SNX7: variants seen among roughly 807,000 people sequenced by gnomAD.
SNX7 encodes the protein sorting nexin 7.
A neutral mutation model predicts 48.4 loss-of-function variants in SNX7; 35 were observed. That is an observed-to-expected ratio of 0.72 (90% confidence interval 0.55 to 0.96). The LOEUF (loss-of-function observed/expected upper bound fraction) is 0.96, where lower values mean the gene tolerates loss of function less well. Ranked by LOEUF, SNX7 falls within the 40% of genes least tolerant of loss-of-function variation. SNX7 has a pLI of 0.00. For missense variants in SNX7, 553 were observed against 548.9 expected, an observed-to-expected ratio of 1.01 and a Z score of -0.07; for synonymous variants, 190 against 190.2, an observed-to-expected ratio of 1.00 and a Z score of 0.01.
At chr1:98,686,656 A>G (rs1650818108) in intron 2 of SNX7, among the ~76,000 whole-genome samples, 1 of 152,168 alleles carries the variant, frequency 6.6e-6, no homozygotes, top group Non-Finnish European at 1.5e-5. Flanking sequence ...ATGGAGTTGA[A>G]TCTTGATTTC....
chr1:98,757,519 A>T (rs975706696), intron 8 of SNX7, among the ~76,000 whole-genome samples: 1 of 151,962 alleles, frequency 6.6e-6, no homozygotes, highest in African/African-American at 2.4e-5. Context: ...GGGCTCACCC[A>T]CATGACCTTA....
intron 8 of SNX7, among the ~76,000 whole-genome samples, chr1:98,743,328 A>T (rs965174819): frequency 3.3e-5 from 5 of 151,568 alleles, no homozygotes; most frequent in Non-Finnish European, 5.9e-5. Flanking sequence ...TATTTGATTA[A>T]TACAGCCCTA....
At chr1:98,691,937 A>ACACACTCTCT (rs376006567) in intron 4 of SNX7, among the ~76,000 whole-genome samples, 508 of 131,148 alleles carry the variant, frequency 3.9e-3, no homozygotes, top group South Asian at 6.7e-3. Flanking sequence ...ACACACACAC[A>ACACACTCTCT]CTCTCTCTCT....
chr1:98,702,461 G>A (rs985472128), intron 7 of SNX7, among the ~76,000 whole-genome samples: 1 of 151,902 alleles, frequency 6.6e-6, no homozygotes, highest in African/African-American at 2.4e-5. Context: ...CTCACCATTT[G>A]GCTCAACTTT....
chr1:98,727,448 A>C (rs1356259694), intron 7 of SNX7, among the ~76,000 whole-genome samples: 1 of 151,922 alleles, frequency 6.6e-6, no homozygotes, highest in East Asian at 1.9e-4. Context: ...GAAAACTAAA[A>C]AAGCCAGTGT....
At chr1:98,672,460 C>A (rs568970280) in intron 1 of SNX7, among the ~76,000 whole-genome samples, 1 of 148,666 alleles carries the variant, frequency 6.7e-6, no homozygotes, top group African/African-American at 2.5e-5. Flanking sequence ...AGATGTAATC[C>A]GCTCACAGGA....
chr1:98,703,040 T>TA (rs1019690781), intron 7 of SNX7, among the ~76,000 whole-genome samples: 2 of 152,020 alleles, frequency 1.3e-5, no homozygotes, highest in African/African-American at 4.8e-5. Context: ...ACTTCCTAAT[T>TA]AGTTTTCTTT....
chr1:98,689,051 C>T (rs534704100), intron 2 of SNX7, among the ~76,000 whole-genome samples: 7 of 152,162 alleles, frequency 4.6e-5, no homozygotes, highest in East Asian at 1.9e-4. Context: ...ATTACAGGTG[C>T]GTGCCACTAC....
chr1:98,692,413 C>G (rs1056410115), intron 4 of SNX7, among the ~76,000 whole-genome samples: 3 of 152,128 alleles, frequency 2.0e-5, no homozygotes, highest in African/African-American at 7.2e-5. Flanking sequence ...GTCTATGGTA[C>G]TTAGCAAGCA....
intron 7 of SNX7, among the ~76,000 whole-genome samples, chr1:98,734,497 C>T (rs1300236798): frequency 1.3e-5 from 2 of 152,128 alleles, no homozygotes; most frequent in Non-Finnish European, 2.9e-5. Flanking sequence ...GCTATATAAT[C>T]TCTGCCTCTT....
At chr1:98,747,228 T>C (rs1052243813) in intron 8 of SNX7, among the ~76,000 whole-genome samples, 1 of 152,184 alleles carries the variant, frequency 6.6e-6, no homozygotes, top group Non-Finnish European at 1.5e-5. Context: ...GTGTTTCTTC[T>C]TGCAGAATGA....
At position 98,760,032 on chromosome 1, in the gene SNX7, A is replaced by G. The variant is rs772331852; in HGVS notation, c.1279-22A>G. 6.8e-6 allele frequency: 10 copies of G among 1,472,746 alleles called. No individual in the cohort carries two copies. In the East Asian group the frequency reaches 2.0e-4, roughly 30 times the overall value. The allele number at this position is 1,472,746 out of a possible 1,614,324, so 91.2% of individuals were successfully genotyped here. ...AAAGTAAACTATTGTTGATTGCCTC[A>G]TGGTGTGTTTCCATTATTCAGTGCC... is the stretch of plus-strand genomic sequence containing the variant. On this transcript the variant is annotated intron_variant, in intron 8 of 8. Transcript: ENST00000306121.
At chr1:98,748,984 C>A (rs1383526522) in intron 8 of SNX7, among the ~76,000 whole-genome samples, 1 of 152,124 alleles carries the variant, frequency 6.6e-6, no homozygotes, top group African/African-American at 2.4e-5. Context: ...CTTATCTGTA[C>A]AGTTGGTTGT....
intron 7 of SNX7, among the ~76,000 whole-genome samples, chr1:98,714,601 G>T (rs1652490518): frequency 6.6e-6 from 1 of 152,294 alleles, no homozygotes; most frequent in East Asian, 1.9e-4. Context: ...TTTCTGAGGA[G>T]ATGACCTTGA....
intron 1 of SNX7, among the ~76,000 whole-genome samples, chr1:98,664,245 T>C (rs900713909): frequency 1.2e-4 from 18 of 152,330 alleles, no homozygotes; most frequent in African/African-American, 4.3e-4. Flanking sequence ...GGTATACTCT[T>C]CCAGAAGCTT....
At chr1:98,713,072 C>G (rs1652399582) in intron 7 of SNX7, among the ~76,000 whole-genome samples, 1 of 134,968 alleles carries the variant, frequency 7.4e-6, no homozygotes, top group African/African-American at 2.9e-5. Flanking sequence ...GCCTGGGCAA[C>G]AAGAGCGAAA....
At chr1:98,747,215 T>C (rs929601124) in intron 8 of SNX7, among the ~76,000 whole-genome samples, 1 of 152,156 alleles carries the variant, frequency 6.6e-6, no homozygotes, top group Admixed American at 6.6e-5. Flanking sequence ...CTTGACTAGA[T>C]CAGTGTTTCT....
At chr1:98,732,524 A>G (rs1158574835) in intron 7 of SNX7, among the ~76,000 whole-genome samples, 1 of 152,124 alleles carries the variant, frequency 6.6e-6, no homozygotes, top group Middle Eastern at 3.2e-3. Flanking sequence ...GAGATAATTT[A>G]ATCTTTTTAT....
intron 8 of SNX7, among the ~76,000 whole-genome samples, chr1:98,758,046 A>G (rs949758487): frequency 2.3e-4 from 35 of 152,030 alleles, no homozygotes; most frequent in Non-Finnish European, 4.7e-4. Flanking sequence ...CTTAGGTTTC[A>G]TGCTAAATCA....
Sources: allele counts gnomAD v4.1 joint callset (sites outside exome capture counted in the v4.1 genomes callset), GRCh38; gene constraint gnomAD v4.1.1; transcripts MANE v1.5; gene names NCBI Gene and HGNC (gene_info 2026-07-23, HGNC 2026-07-21).